Variants in SSUH2 observed in about 807,000 individuals in gnomAD.
SSUH2 encodes the protein protein SSUH2 homolog.
Under a neutral mutation model 55.3 loss-of-function variants are expected in SSUH2, and 47 were observed. The ratio of observed to expected loss-of-function variants is 0.85; its 90% CI spans 0.67 to 1.08. The LOEUF (loss-of-function observed/expected upper bound fraction) is 1.08. Ranked by LOEUF, SSUH2 falls within the 50% of genes least tolerant of loss-of-function variation. SSUH2 has a pLI of 0.00. For missense variants in SSUH2, 535 were observed against 490.7 expected, an observed-to-expected ratio of 1.09 and a Z score of -0.85; for synonymous variants, 212 against 191.5, an observed-to-expected ratio of 1.11 and a Z score of -0.89.
In SSUH2 at chr3:8,635,324, G is replaced by C; in HGVS notation, c.185C>G (p.Ser62Cys). The C allele has an allele frequency of 6.5e-7, 1 of 1,535,984 alleles. No homozygotes were observed. The change falls in exon 3 of 12, where the codon TCC becomes TGC. Residue 62 changes from serine (S) to cysteine (C), a missense_variant. Coordinates refer to ENST00000544814, the MANE Select transcript of SSUH2 (RefSeq NM_001256748.3). ...EAPGRPQEQR[S>C]WPSFLEHRVP... ...CCTGTGTTCCAGGAACGAGGGCCAGGACCTTTGCTCCTGGGGCCTCCCTGG... is the reference window on the plus strand; with the variant it reads ...CCTGTGTTCCAGGAACGAGGGCCAGCACCTTTGCTCCTGGGGCCTCCCTGG...
At position 8,619,935 on chromosome 3, in the gene SSUH2, C is replaced by T. The variant is rs756699925; in HGVS notation, c.1061G>A (p.Gly354Asp). ...CACCGCATACACCTGGTGGTCAGTGCCATAGATGTAGTAGACATAAGTCTT... is the reference window on the plus strand; with the variant it reads ...CACCGCATACACCTGGTGGTCAGTGTCATAGATGTAGTAGACATAAGTCTT... Reference protein sequence around the residue: ...QGKTYVYYIYGTDHQVYAVDY... With the variant: ...QGKTYVYYIYDTDHQVYAVDY... Residue 354 changes from glycine (G) to aspartate (D), a missense_variant, in exon 12 of 12, where the codon GGC becomes GAC. Physicochemically the swap from Gly to Asp is moderately conservative, Grantham distance 94. Transcript: ENST00000544814. 6.2e-7 allele frequency: 1 copy of T among 1,614,172 alleles called. No individual in the cohort carries two copies. Among genetic ancestry groups the T allele is most frequent in the Non-Finnish European group, 8.5e-7 (1 of 1,180,032 alleles).
intron 10 of SSUH2, 22 bp downstream of exon 10, chr3:8,625,520 C>A (rs1444008435): frequency 2.0e-6 from 3 of 1,496,414 alleles, no homozygotes; most frequent in Non-Finnish European, 2.8e-6. Context: ...TTCCTTTGTT[C>A]CCATCTACAA....
intron 6 of SSUH2, among the ~76,000 whole-genome samples, chr3:8,660,996 G>A (rs1441400174): frequency 1.3e-5 from 2 of 152,232 alleles, no homozygotes; most frequent in Non-Finnish European, 2.9e-5. Flanking sequence ...TGAGCAGGAT[G>A]TGAAGGGTAA....
chr3:8,622,325 C>T (rs536133567), intron 11 of SSUH2, among the ~76,000 whole-genome samples: 86 of 152,312 alleles, frequency 5.6e-4, no homozygotes, highest in Middle Eastern at 6.8e-3. Flanking sequence ...TCCTGGCTCC[C>T]GGAATGGCTG....
upstream of SSUH2, among the ~76,000 whole-genome samples, chr3:8,649,443 A>G (rs1000157846): frequency 2.0e-5 from 3 of 151,940 alleles, no homozygotes; most frequent in African/African-American, 7.3e-5. Flanking sequence ...GACCTCCTTC[A>G]GTGTTATGGT....
chr3:8,629,275 G>C (rs60994174), intron 7 of SSUH2: 1 of 215,174 alleles, frequency 4.6e-6, no homozygotes, highest in Non-Finnish European at 9.2e-6. Context: ...TACCTGCTCA[G>C]CACCCACTGC....
At chr3:8,676,960 CCT>C (rs1180275258) in intron 3 of SSUH2, among the ~76,000 whole-genome samples, 1 of 146,986 alleles carries the variant, frequency 6.8e-6, no homozygotes, top group African/African-American at 2.5e-5. Context: ...AAGGCATCCC[CCT>C]GTGAGGCGGG....
rs756399136 is a variant in SSUH2, at chr3:8,670,997, C to T, written c.-455+1G>A. ...ATAACGAATAATGTCAGAGAATGTACCTGCATTGGGACATCAGTAGTAACA... is the reference window on the plus strand; with the variant it reads ...ATAACGAATAATGTCAGAGAATGTATCTGCATTGGGACATCAGTAGTAACA... On this transcript the variant is annotated splice_donor_variant, in intron 5 of 18. Transcript: ENST00000317371. LOFTEE classifies it low-confidence loss of function (5UTR_SPLICE). 4.7e-6 allele frequency: 2 copies of T among 425,322 alleles called. No homozygotes were observed. The highest frequency in any genetic ancestry group is 9.7e-6 in the Non-Finnish European group (2 of 205,700). The allele number at this position is 425,322 out of a possible 1,614,324, so 26.3% of individuals were successfully genotyped here.
chr3:8,633,017 G>A (rs979647451), intron 4 of SSUH2, among the ~76,000 whole-genome samples: 6 of 152,190 alleles, frequency 3.9e-5, no homozygotes, highest in East Asian at 1.9e-4. Flanking sequence ...CCAATTTCTC[G>A]TCTGTAAACC....
At chr3:8,628,341 C>T (rs551360386) in intron 7 of SSUH2, among the ~76,000 whole-genome samples, 20 of 152,200 alleles carry the variant, frequency 1.3e-4, no homozygotes, top group Admixed American at 6.5e-4. Flanking sequence ...GGATGAGGCT[C>T]GAATCAGGAC....
At chr3:8,658,320 G>C (rs370329342) in intron 7 of SSUH2, among the ~76,000 whole-genome samples, 2 of 152,216 alleles carry the variant, frequency 1.3e-5, no homozygotes, top group East Asian at 3.8e-4. Flanking sequence ...CTCCTTGCGT[G>C]ACCACTTCAG....
chr3:8,674,432 G>C (rs1286701760), intron 3 of SSUH2, among the ~76,000 whole-genome samples: 2 of 152,204 alleles, frequency 1.3e-5, no homozygotes, highest in African/African-American at 4.8e-5. Flanking sequence ...CCGGGCTCAA[G>C]TGTCCCCAAA....
At chr3:8,677,593 C>G (rs1483759446) in intron 2 of SSUH2, among the ~76,000 whole-genome samples, 1 of 150,780 alleles carries the variant, frequency 6.6e-6, no homozygotes, top group African/African-American at 2.4e-5. Context: ...TTGTATGCAT[C>G]AGAGAGAGAA....
chr3:8,679,055 GGAA>G lies in SSUH2; in HGVS notation c.-901+647_-901+649del, dbSNP rs1705719731. ...CTCTTAGGACACCAAACGCAGGGGAGGAAGCACCCCCCGCGAGGCGGGGACTGA... is the reference window on the plus strand; with the variant it reads ...CTCTTAGGACACCAAACGCAGGGGAGGCACCCCCCGCGAGGCGGGGACTGA... On this transcript the variant is annotated intron_variant, in intron 2 of 18. Transcript: ENST00000317371. Among the ~76,000 whole-genome samples the G allele has an allele frequency of 6.6e-5, 7 of 106,776 alleles. 3 individuals carry two copies. Among genetic ancestry groups the G allele is most frequent in the Non-Finnish European group, 4.3e-5 (2 of 46,306 alleles). The allele number at this position is 106,776 out of a possible 152,430, so 70.0% of individuals were successfully genotyped here.
At chr3:8,648,600 G>C (rs1396248440), upstream of SSUH2, among the ~76,000 whole-genome samples, 1 of 152,040 alleles carries the variant, frequency 6.6e-6, no homozygotes, top group African/African-American at 2.4e-5. Context: ...AGCTTCCAAT[G>C]AGTGCTCACC....
At chr3:8,663,815 C>A in intron 5 of SSUH2, 1 of 456,702 alleles carries the variant, frequency 2.2e-6, no homozygotes, top group Non-Finnish European at 4.4e-6. Context: ...GTAGAAGGCA[C>A]ACAGATAAAT....
chr3:8,665,056 G>T (rs1003288107), intron 5 of SSUH2, among the ~76,000 whole-genome samples: 2 of 151,998 alleles, frequency 1.3e-5, no homozygotes, highest in African/African-American at 2.4e-5. Flanking sequence ...CTTTTCCACC[G>T]AATTTTCTGC....
At chr3:8,634,286 C>A (rs1158694676) in intron 3 of SSUH2, 2 of 913,808 alleles carry the variant, frequency 2.2e-6, no homozygotes, top group African/African-American at 1.7e-5. Flanking sequence ...TGGAGACTCA[C>A]CCTGAGGACC....
chr3:8,679,375 CATCCCCCAGGAGGA>C lies in SSUH2; in HGVS notation c.-901+316_-901+329del, dbSNP rs1185217991. ...CGACCCCCATCGCATTGGCGGGAGG[CATCCCCCAGGAGGA>C]GGGGACTGAGAGCCAGCCCCTCTTC... On this transcript the variant is annotated intron_variant, in intron 2 of 18. Transcript: ENST00000317371. 1.9e-4 allele frequency among the ~76,000 whole-genome samples: 20 copies of C among 102,898 alleles called. 1 individual carries two copies. The highest frequency in any genetic ancestry group is 6.9e-4 in the South Asian group (2 of 2,886). The allele number at this position is 102,898 out of a possible 152,430, so 67.5% of individuals were successfully genotyped here.
Sources: gnomAD v4.1 joint callset for allele counts (sites outside exome capture counted in the v4.1 genomes callset) on GRCh38, gnomAD v4.1.1 for gene constraint, MANE v1.5 for transcripts, NCBI Gene and HGNC (gene_info 2026-07-23, HGNC 2026-07-21) for gene names.